Variants in ST8SIA6 observed in about 807,000 individuals in gnomAD.
ST8SIA6 encodes ST8 alpha-N-acetyl-neuraminide alpha-2,8-sialyltransferase 6.
ST8SIA6 carries 39 observed loss-of-function variants against 33.6 expected under a neutral mutation model. The ratio of observed to expected loss-of-function variants is 1.16; its 90% CI spans 0.90 to 1.52. ST8SIA6 has a LOEUF of 1.52. Ranked by LOEUF, ST8SIA6 falls within the 40% of genes most tolerant of loss-of-function variation. The pLI is 0.00. For missense variants in ST8SIA6, 441 were observed against 443.8 expected, an observed-to-expected ratio of 0.99 and a Z score of 0.06; for synonymous variants, 172 against 167.2, an observed-to-expected ratio of 1.03 and a Z score of -0.22.
intron 2 of ST8SIA6, among the ~76,000 whole-genome samples, chr10:17,417,018 A>G (rs1009819498): frequency 2.6e-5 from 4 of 152,108 alleles, no homozygotes; most frequent in African/African-American, 7.2e-5. Flanking sequence ...TCAGGAAAAG[A>G]GGTTTATTTG....
chr10:17,450,278 C>G (rs1852857591), intron 2 of ST8SIA6, among the ~76,000 whole-genome samples: 1 of 152,180 alleles, frequency 6.6e-6, no homozygotes, highest in Non-Finnish European at 1.5e-5. Context: ...GAGCCACAAG[C>G]TGCAGATCTT....
At chr10:17,389,466 A>G (rs1277565862) in intron 3 of ST8SIA6, among the ~76,000 whole-genome samples, 1 of 152,156 alleles carries the variant, frequency 6.6e-6, no homozygotes, top group Non-Finnish European at 1.5e-5. Context: ...CCTGCCCAAC[A>G]CACACACATC....
intron 5 of ST8SIA6, 61 bp downstream of exon 5, chr10:17,331,347 A>C: frequency 6.5e-7 from 1 of 1,535,450 alleles, no homozygotes. Flanking sequence ...TTACAGCTTA[A>C]AGTAAAAGAA....
intron 2 of ST8SIA6, among the ~76,000 whole-genome samples, chr10:17,392,852 C>T (rs1850665735): frequency 6.6e-6 from 1 of 152,190 alleles, no homozygotes; most frequent in Admixed American, 6.5e-5. Flanking sequence ...GGCAGCTGTG[C>T]TCCATGTGGT....
intron 2 of ST8SIA6, among the ~76,000 whole-genome samples, 189 bp from the exon 3 acceptor site, chr10:17,390,809 A>C (rs1564439966): frequency 6.6e-6 from 1 of 150,628 alleles, no homozygotes; most frequent in Non-Finnish European, 1.5e-5. Flanking sequence ...GAAAAAAAAA[A>C]CAAAAAACTT....
intron 2 of ST8SIA6, 62 bp from the exon 3 acceptor site, chr10:17,390,682 T>A: frequency 7.3e-7 from 1 of 1,361,810 alleles, no homozygotes; most frequent in South Asian, 1.2e-5. Flanking sequence ...AAGATATTGT[T>A]AACAAAAATC....
intron 3 of ST8SIA6, among the ~76,000 whole-genome samples, chr10:17,369,143 G>A (rs953348502): frequency 6.6e-6 from 1 of 152,066 alleles, no homozygotes; most frequent in Non-Finnish European, 1.5e-5. Context: ...ACTGTTAAGT[G>A]GTTGTTATAT....
chr10:17,370,641 A>C (rs1849703345), intron 3 of ST8SIA6, among the ~76,000 whole-genome samples: 2 of 152,120 alleles, frequency 1.3e-5, no homozygotes, highest in African/African-American at 4.8e-5. Context: ...TTATTATTAT[A>C]GGTATTAGGC....
At position 17,374,941 on chromosome 10, in the gene ST8SIA6, T is replaced by C. The variant is rs1254012676; in HGVS notation, c.291-15341A>G. Among the ~76,000 whole-genome samples the C allele has an allele frequency of 2.6e-5, 4 of 151,542 alleles. No homozygotes were observed. The East Asian group carries it at 5.9e-4, about 22-fold the overall frequency. On this transcript the variant is annotated intron_variant, in intron 3 of 7. Transcript: ENST00000377602. ...TAACTCTTCTTTTTTTCCAGTTTCATATATATATATTTTGAGACAGGGTCT... is the reference window on the plus strand; with the variant it reads ...TAACTCTTCTTTTTTTCCAGTTTCACATATATATATTTTGAGACAGGGTCT...
chr10:17,424,499 AGT>A (rs1851873461), intron 2 of ST8SIA6, among the ~76,000 whole-genome samples: 1 of 152,166 alleles, frequency 6.6e-6, no homozygotes. Flanking sequence ...TGAGTATATG[AGT>A]GTGAGTATAA....
chr10:17,389,382 T>G (rs1313405960), intron 3 of ST8SIA6, among the ~76,000 whole-genome samples: 1 of 152,182 alleles, frequency 6.6e-6, no homozygotes, highest in Non-Finnish European at 1.5e-5. Flanking sequence ...CTTCAAATGT[T>G]GTCAGGCAAG....
At position 17,331,634 on chromosome 10, in the gene ST8SIA6, G is replaced by A. The variant is rs1848304504; in HGVS notation, c.378-82C>T. 5 of 1,391,764 alleles carry A rather than the reference G, an allele frequency of 3.6e-6. No homozygotes were observed. The East Asian group carries it at 1.0e-4, about 28-fold the overall frequency. 86.2% of individuals were successfully genotyped at this position (1,391,764 alleles called of 1,614,324 possible). On this transcript the variant is annotated intron_variant, in intron 4 of 7. Coordinates refer to ENST00000377602, the MANE Select transcript of ST8SIA6 (RefSeq NM_001004470.3). Reference sequence around the variant, plus strand: ...GCAGACCACGATGGACAATGCCGAAGAGGATTTTGCCAAACTGACTTTCAA... The same window carrying A: ...GCAGACCACGATGGACAATGCCGAAAAGGATTTTGCCAAACTGACTTTCAA...
chr10:17,354,507 A>G (rs1304838318), intron 4 of ST8SIA6, among the ~76,000 whole-genome samples: 7 of 152,216 alleles, frequency 4.6e-5, no homozygotes, highest in African/African-American at 1.7e-4. Flanking sequence ...TGCTACACCT[A>G]AAAGAAATTA....
chr10:17,382,289 T>G (rs1352182341), intron 3 of ST8SIA6, among the ~76,000 whole-genome samples: 1 of 152,018 alleles, frequency 6.6e-6, no homozygotes. Context: ...CATCCATGTA[T>G]CTTCTTGCTC....
chr10:17,318,791 G>A lies in ST8SIA6; in HGVS notation c.*2087C>T, dbSNP rs577705662. 4.8e-5 allele frequency: 22 copies of A among 461,788 alleles called. No homozygotes were observed. The highest frequency in any genetic ancestry group is 2.2e-4 in the Admixed American group (9 of 41,060). 28.6% of individuals were successfully genotyped at this position (461,788 alleles called of 1,614,324 possible). On this transcript the variant is annotated 3_prime_UTR_variant, in exon 8 of 8. Coordinates refer to ENST00000377602, the MANE Select transcript of ST8SIA6 (RefSeq NM_001004470.3). ...CAGAACAAAAAGAACTGTGACTTAC[G>A]TTTTACAGTTTACATAGCTGACATG...
At chr10:17,430,066 T>C (rs1852056465) in intron 2 of ST8SIA6, among the ~76,000 whole-genome samples, 1 of 152,152 alleles carries the variant, frequency 6.6e-6, no homozygotes, top group Non-Finnish European at 1.5e-5. Flanking sequence ...TTCCCCTTTC[T>C]GAGTCTCTAA....
chr10:17,364,224 A>G (rs1849487126), intron 3 of ST8SIA6, among the ~76,000 whole-genome samples: 2 of 152,214 alleles, frequency 1.3e-5, no homozygotes, highest in South Asian at 4.1e-4. Context: ...TAGTCTTTAA[A>G]ATATTTTGTT....
chr10:17,336,261 T>C (rs1848496287), intron 4 of ST8SIA6, among the ~76,000 whole-genome samples: 1 of 152,172 alleles, frequency 6.6e-6, no homozygotes, highest in Non-Finnish European at 1.5e-5. Flanking sequence ...TGGGCCTTTT[T>C]CTTAAATTAT....
intron 4 of ST8SIA6, among the ~76,000 whole-genome samples, chr10:17,353,206 T>TA (rs45498392): frequency 0.22 from 34,114 of 152,082 alleles, 3,988 homozygotes; most frequent in African/African-American, 0.29. Context: ...ACAAAACACT[T>TA]ACCAAAGTCA....
Sources: allele counts gnomAD v4.1 joint callset (sites outside exome capture counted in the v4.1 genomes callset), GRCh38; gene constraint gnomAD v4.1.1; transcripts MANE v1.5; gene names NCBI Gene and HGNC (gene_info 2026-07-23, HGNC 2026-07-21).